Variants in LCP2 observed in about 807,000 individuals in gnomAD.
LCP2 encodes the protein lymphocyte cytosolic protein 2, also known as 76 kDa tyrosine phosphoprotein.
LCP2 carries 29 observed loss-of-function variants against 74.5 expected under a neutral mutation model. The ratio of observed to expected loss-of-function variants is 0.39; its 90% CI spans 0.29 to 0.53. The LOEUF (loss-of-function observed/expected upper bound fraction) is 0.53. Ranked by LOEUF, LCP2 falls within the 20% of genes least tolerant of loss-of-function variation. The pLI is 0.72. For missense variants in LCP2, 604 were observed against 634.6 expected, an observed-to-expected ratio of 0.95 and a Z score of 0.52; for synonymous variants, 228 against 229.5, an observed-to-expected ratio of 0.99 and a Z score of 0.06.
At chr5:170,251,648 T>G (rs1761446035) in intron 19 of LCP2, 1 of 456,100 alleles carries the variant, frequency 2.2e-6, no homozygotes, top group Non-Finnish European at 4.4e-6. Context: ...TTATTGCAAG[T>G]TAATTGAGCC....
chr5:170,267,575 T>C (rs936839276), intron 8 of LCP2, among the ~76,000 whole-genome samples: 2 of 151,596 alleles, frequency 1.3e-5, no homozygotes, highest in Admixed American at 6.6e-5. Context: ...CAGGTCCTTG[T>C]CACCTCCCCC....
chr5:170,288,147 G>A, intron 2 of LCP2, 131 bp from the exon 3 acceptor site: 2 of 793,260 alleles, frequency 2.5e-6, no homozygotes, highest in African/African-American at 2.5e-5. Flanking sequence ...AAACCGCCCT[G>A]CCCACCCACC....
At chr5:170,291,034 AAG>A (rs1581077449) in intron 2 of LCP2, among the ~76,000 whole-genome samples, 1 of 148,124 alleles carries the variant, frequency 6.8e-6, no homozygotes, top group Non-Finnish European at 1.5e-5. Flanking sequence ...GAGAGAAAGA[AAG>A]AGAGATGGAG....
intron 10 of LCP2, among the ~76,000 whole-genome samples, chr5:170,266,577 G>A (rs1278563297): frequency 6.6e-6 from 1 of 152,214 alleles, no homozygotes; most frequent in African/African-American, 2.4e-5. Flanking sequence ...TTCTAATGAG[G>A]CTGATATGGG....
At chr5:170,281,528 C>T (rs1436805915) in intron 3 of LCP2, among the ~76,000 whole-genome samples, 1 of 152,198 alleles carries the variant, frequency 6.6e-6, no homozygotes, top group East Asian at 1.9e-4. Context: ...GATCCGCCCG[C>T]CTTGGCCTCC....
At chr5:170,295,961 T>C (rs1042427131) in intron 1 of LCP2, among the ~76,000 whole-genome samples, 4 of 152,222 alleles carry the variant, frequency 2.6e-5, no homozygotes, top group African/African-American at 9.6e-5. Context: ...TCCATCTCCC[T>C]GTACTGATGG....
intron 6 of LCP2, chr5:170,274,023 T>G: frequency 2.1e-6 from 1 of 479,104 alleles, no homozygotes; most frequent in Non-Finnish European, 3.8e-6. Context: ...CAAATGAAGG[T>G]TTATGGGCGC....
intron 6 of LCP2, among the ~76,000 whole-genome samples, chr5:170,272,592 A>ATTTTATTTT (rs1761913090): frequency 2.9e-5 from 1 of 34,310 alleles, no homozygotes; most frequent in African/African-American, 8.9e-5. Context: ...CCCATCAAAT[A>ATTTTATTTT]TTTTCTTTTT....
chr5:170,293,273 G>A (rs773750931), intron 2 of LCP2, 37 bp downstream of exon 2: 3 of 1,588,862 alleles, frequency 1.9e-6, no homozygotes, highest in South Asian at 2.3e-5. Context: ...GTGCCGAACA[G>A]TCTTGGTTTC....
At chr5:170,281,101 C>T (rs1044319337) in intron 3 of LCP2, among the ~76,000 whole-genome samples, 1 of 152,142 alleles carries the variant, frequency 6.6e-6, no homozygotes. Flanking sequence ...GGCTTCACGT[C>T]GAGTGCTGTG....
At chr5:170,287,487 T>C (rs551109570) in intron 3 of LCP2, among the ~76,000 whole-genome samples, 1 of 152,358 alleles carries the variant, frequency 6.6e-6, no homozygotes, top group African/African-American at 2.4e-5. Flanking sequence ...ACAGCTCCCT[T>C]TCCTCGGGAT....
chr5:170,285,747 T>G (rs2113206236), intron 3 of LCP2, among the ~76,000 whole-genome samples: 1 of 152,336 alleles, frequency 6.6e-6, no homozygotes, highest in South Asian at 2.1e-4. Flanking sequence ...TTTTGCCACC[T>G]ACAGGTAGTC....
At chr5:170,259,617 A>T (rs1761618260) in intron 14 of LCP2, among the ~76,000 whole-genome samples, 1 of 152,236 alleles carries the variant, frequency 6.6e-6, no homozygotes, top group African/African-American at 2.4e-5. Context: ...ATGAAACAGC[A>T]TCTTTCTCAA....
In LCP2 at chr5:170,287,987, G is replaced by A; in HGVS notation, c.171C>T (p.Phe57=). ...GTACTTACGGCACCCGGAGCTTGGG[G>A]AACTTCTGGATGTCATTTTCTGTCA... The part of the protein sequence containing the change: ...LNLTENDIQK[F]PKLRVPILSK... Residue 57 remains phenylalanine, a synonymous_variant, in exon 3 of 21, where the codon TTC becomes TTT. Transcript: ENST00000046794. 6.2e-7 allele frequency: 1 copy of A among 1,613,964 alleles called. No homozygotes were observed. Among genetic ancestry groups the A allele is most frequent in the Non-Finnish European group, 8.5e-7 (1 of 1,179,882 alleles).
At chr5:170,269,994 G>T (rs1378660762) in intron 7 of LCP2, among the ~76,000 whole-genome samples, 1 of 152,178 alleles carries the variant, frequency 6.6e-6, no homozygotes, top group African/African-American at 2.4e-5. Context: ...AATGGTATTC[G>T]TTTTTTGTGG....
chr5:170,281,718 AG>A (rs1186583428), intron 3 of LCP2, among the ~76,000 whole-genome samples: 1 of 152,226 alleles, frequency 6.6e-6, no homozygotes, highest in Non-Finnish European at 1.5e-5. Flanking sequence ...ACAGCCTTAC[AG>A]GAAGACAGAC....
At chr5:170,262,572 G>T in intron 13 of LCP2, 63 bp downstream of exon 13, 1 of 1,281,624 alleles carries the variant, frequency 7.8e-7, no homozygotes, top group Non-Finnish European at 1.1e-6. Context: ...TGCAGAGTCA[G>T]CACAGGGCAG....
intron 1 of LCP2, among the ~76,000 whole-genome samples, chr5:170,294,280 T>G (rs1367068006): frequency 1.3e-5 from 2 of 152,242 alleles, no homozygotes; most frequent in Admixed American, 1.3e-4. Context: ...GATACTATTT[T>G]GCGAACTTTT....
chr5:170,261,211 T>C, intron 13 of LCP2, 74 bp from the exon 14 acceptor site: 1 of 1,149,420 alleles, frequency 8.7e-7, no homozygotes, highest in Non-Finnish European at 1.3e-6. Context: ...AATACAGTTT[T>C]GCTTCATTGA....
Sources: gnomAD v4.1 joint callset for allele counts (sites outside exome capture counted in the v4.1 genomes callset) on GRCh38, gnomAD v4.1.1 for gene constraint, MANE v1.5 for transcripts, NCBI Gene and HGNC (gene_info 2026-07-23, HGNC 2026-07-21) for gene names.